The following MICU2 variants were observed in gnomAD, a reference collection of about 807,000 sequenced individuals.
MICU2 encodes the protein mitochondrial calcium uptake 2.
MICU2 carries 64 observed loss-of-function variants against 60.4 expected under a neutral mutation model. The ratio of observed to expected loss-of-function variants is 1.06; its 90% CI spans 0.87 to 1.31. The LOEUF is 1.31. Among genes scored for constraint, MICU2 ranks in the 50% most tolerant of loss-of-function variants. The probability of loss-of-function intolerance (pLI) is 0.00; values close to 1 mark genes in which losing one functional copy is unlikely to be tolerated. For synonymous variants in MICU2, 201 were observed against 175.0 expected (o/e 1.15, Z -1.17); for missense variants, 569 against 531.0 (o/e 1.07, Z -0.70).
At chr13:21,495,839 CCTT>C in intron 10 of MICU2, 3 of 427,970 alleles carry the variant, frequency 7.0e-6, no homozygotes, top group African/African-American at 4.1e-5. Flanking sequence ...CGGCCTTCTT[CCTT>C]CTTTTTAGGA....
intron 1 of MICU2, among the ~76,000 whole-genome samples, chr13:21,572,898 A>G (rs758227541): frequency 4.6e-5 from 7 of 151,990 alleles, no homozygotes; most frequent in Admixed American, 6.6e-5. Flanking sequence ...ATCAGAATGT[A>G]GAAAAATATG....
At chr13:21,506,235 C>G (rs750738941) in intron 8 of MICU2, among the ~76,000 whole-genome samples, 1 of 152,100 alleles carries the variant, frequency 6.6e-6, no homozygotes, top group Non-Finnish European at 1.5e-5. Context: ...AGGCTGCTGT[C>G]GAAGTCCTGG....
intron 4 of MICU2, among the ~76,000 whole-genome samples, chr13:21,539,070 G>T (rs1398344822): frequency 6.6e-6 from 1 of 151,946 alleles, no homozygotes; most frequent in Admixed American, 6.6e-5. Context: ...GCCCTTGAAG[G>T]CTTCTCATCT....
At chr13:21,548,313 T>C (rs1468329237) in intron 2 of MICU2, among the ~76,000 whole-genome samples, 1 of 152,194 alleles carries the variant, frequency 6.6e-6, no homozygotes, top group African/African-American at 2.4e-5. Flanking sequence ...GCTCTATACT[T>C]TGTAATGTCT....
chr13:21,573,195 T>C (rs917949510), intron 1 of MICU2, among the ~76,000 whole-genome samples: 2 of 152,314 alleles, frequency 1.3e-5, no homozygotes, highest in Middle Eastern at 3.4e-3. Flanking sequence ...TTTGGGGTTG[T>C]CAAATACTGT....
chr13:21,564,565 A>G (rs1887929209), intron 2 of MICU2, among the ~76,000 whole-genome samples: 1 of 152,018 alleles, frequency 6.6e-6, no homozygotes, highest in South Asian at 2.1e-4. Context: ...GAAGGGATGT[A>G]CCCTTCAAAA....
intron 1 of MICU2, among the ~76,000 whole-genome samples, chr13:21,599,350 T>C (rs563724793): frequency 2.0e-5 from 3 of 152,376 alleles, no homozygotes; most frequent in South Asian, 4.1e-4. Context: ...TATCCTTTTA[T>C]AGCAGAATGG....
chr13:21,592,901 G>A (rs1294309255), intron 1 of MICU2, among the ~76,000 whole-genome samples: 1 of 152,150 alleles, frequency 6.6e-6, no homozygotes. Flanking sequence ...CAAACCCACA[G>A]CCAATATCAT....
At chr13:21,529,860 A>C (rs1296733498) in intron 4 of MICU2, among the ~76,000 whole-genome samples, 1 of 152,214 alleles carries the variant, frequency 6.6e-6, no homozygotes, top group African/African-American at 2.4e-5. Context: ...CTCTTCTTCC[A>C]GCTAGAATGT....
chr13:21,562,133 C>T (rs1887860966), intron 2 of MICU2, among the ~76,000 whole-genome samples: 1 of 151,604 alleles, frequency 6.6e-6, no homozygotes, highest in Non-Finnish European at 1.5e-5. Context: ...TGGGTTGGTT[C>T]CAAGTCTTTG....
At chr13:21,591,057 G>A (rs1888570616) in intron 1 of MICU2, among the ~76,000 whole-genome samples, 1 of 152,002 alleles carries the variant, frequency 6.6e-6, no homozygotes, top group Non-Finnish European at 1.5e-5. Flanking sequence ...ATATAAATGG[G>A]CTAAATGCCC....
At chr13:21,557,614 T>C (rs143116099) in intron 2 of MICU2, among the ~76,000 whole-genome samples, 205 of 152,376 alleles carry the variant, frequency 1.3e-3, no homozygotes, top group African/African-American at 4.8e-3. Context: ...GACTGTTTTG[T>C]ATCTTTCTGT....
intron 4 of MICU2, among the ~76,000 whole-genome samples, chr13:21,524,053 T>C (rs1886789666): frequency 6.6e-6 from 1 of 152,206 alleles, no homozygotes; most frequent in African/African-American, 2.4e-5. Flanking sequence ...GTACATTGTG[T>C]CAGGTTTTAG....
At chr13:21,597,492 C>A (rs2147125) in intron 1 of MICU2, among the ~76,000 whole-genome samples, 30,508 of 152,096 alleles carry the variant, frequency 0.2, 4,101 homozygotes, top group East Asian at 0.66. Context: ...TTATTTAATG[C>A]ATTTCAGTTC....
rs1353377831 is a variant in MICU2 at position 21,603,611 on chromosome 13, G to T, written c.210+328C>A. 10 of 383,814 alleles carry T rather than the reference G, an allele frequency of 2.6e-5. No individual in the cohort carries two copies. The East Asian group carries it at 3.1e-4, about 12-fold the overall frequency. 23.8% of individuals were successfully genotyped at this position (383,814 alleles called of 1,614,324 possible). Reference sequence around the variant, plus strand: ...AAGAGGCGAGGCGCAGTGAGATTCTGAATTAGGAGCCTCGAATTAAGACAC... The same window carrying T: ...AAGAGGCGAGGCGCAGTGAGATTCTTAATTAGGAGCCTCGAATTAAGACAC... On this transcript the variant is annotated intron_variant, in intron 1 of 11. Transcript: ENST00000382374.
chr13:21,529,337 T>G (rs1413467459), intron 4 of MICU2, among the ~76,000 whole-genome samples: 1 of 152,158 alleles, frequency 6.6e-6, no homozygotes, highest in East Asian at 1.9e-4. Flanking sequence ...AGACGATGAG[T>G]GCAGTTTGGC....
At chr13:21,603,569 C>T (rs1280635991) in intron 1 of MICU2, 2 of 290,338 alleles carry the variant, frequency 6.9e-6, no homozygotes, top group East Asian at 7.7e-5. Flanking sequence ...TGCCACTTCA[C>T]TGACCAGAGA....
chr13:21,556,344 C>T (rs955053880), intron 2 of MICU2, among the ~76,000 whole-genome samples: 1 of 152,098 alleles, frequency 6.6e-6, no homozygotes, highest in Admixed American at 6.6e-5. Context: ...GGTTTTCTTC[C>T]TACCTTTTAG....
chr13:21,582,626 G>A (rs1306543536), intron 1 of MICU2, among the ~76,000 whole-genome samples: 1 of 151,742 alleles, frequency 6.6e-6, no homozygotes, highest in Non-Finnish European at 1.5e-5. Context: ...AACCTTTTTC[G>A]ATTACCTGCT....
Sources: allele counts gnomAD v4.1 joint callset (sites outside exome capture counted in the v4.1 genomes callset), GRCh38; gene constraint gnomAD v4.1.1; transcripts MANE v1.5; gene names NCBI Gene and HGNC (gene_info 2026-07-23, HGNC 2026-07-21).